SHTN1: variants seen among roughly 807,000 people sequenced by gnomAD.
SHTN1 encodes the protein shootin-1.
In SHTN1, 42 loss-of-function variants were observed where a neutral mutation model predicts 83.1. The ratio of observed to expected loss-of-function variants is 0.51; its 90% CI spans 0.39 to 0.65. SHTN1 has a LOEUF of 0.65. Ranked by LOEUF, SHTN1 falls within the 30% of genes least tolerant of loss-of-function variation. The pLI, the probability that SHTN1 is intolerant of heterozygous loss-of-function variation, is 0.00. For synonymous variants in SHTN1, 224 were observed against 247.7 expected (o/e 0.90, Z 0.90); for missense variants, 622 against 737.8 (o/e 0.84, Z 1.82).
At chr10:117,039,754 G>C (rs1340854277) in intron 2 of SHTN1, among the ~76,000 whole-genome samples, 1 of 151,700 alleles carries the variant, frequency 6.6e-6, no homozygotes, top group African/African-American at 2.4e-5. Context: ...TCGGGAGGCT[G>C]AGGTGGGAGA....
At chr10:117,038,837 C>T (rs1389978004) in intron 2 of SHTN1, among the ~76,000 whole-genome samples, 1 of 152,186 alleles carries the variant, frequency 6.6e-6, no homozygotes, top group East Asian at 1.9e-4. Context: ...AGAACACTGA[C>T]GATACCAAAT....
chr10:116,881,512 TAGGTTTCAA>T lies in SHTN1; in HGVS notation c.*4823_*4831del. The T allele has an allele frequency of 6.5e-7, 1 of 1,534,898 alleles. No individual in the cohort carries two copies. Among genetic ancestry groups the T allele is most frequent in the Admixed American group, 2.1e-5 (1 of 47,900 alleles). On this transcript the variant is annotated 3_prime_UTR_variant, in exon 17 of 17. Coordinates refer to ENST00000355371, the MANE Select transcript of SHTN1 (RefSeq NM_001127211.3). ...CAGTAAACTTTATTGTTACTTTAAATAGGTTTCAAAGAAGAACACACTTTTTTTTACTTT... is the reference window on the plus strand; with the variant it reads ...CAGTAAACTTTATTGTTACTTTAAATAGAAGAACACACTTTTTTTTACTTT...
intron 1 of SHTN1, among the ~76,000 whole-genome samples, chr10:117,003,972 G>T (rs953958409): frequency 1.3e-5 from 2 of 151,980 alleles, no homozygotes; most frequent in African/African-American, 4.8e-5. Flanking sequence ...TTGGCTCACC[G>T]CAACCTCCGC....
In SHTN1 at chr10:116,901,571, C is replaced by T. The variant is rs544574978; in HGVS notation, c.1673+194G>A. On this transcript the variant is annotated intron_variant, in intron 16 of 16. Transcript: ENST00000355371. ...GAAGTAATTCTCTTTGTACATGGTA[C>T]TTGCTTTGGATCTGAATGAGATCTC... The T allele has an allele frequency of 1.0e-5, 10 of 985,316 alleles. No homozygotes were observed. The South Asian group carries it at 4.7e-4, about 46-fold the overall frequency. The allele number at this position is 985,316 out of a possible 1,614,324, so 61.0% of individuals were successfully genotyped here. A position where few individuals can be genotyped will look rare whatever the true frequency, so the allele number is the denominator to read the frequency against.
intron 3 of SHTN1, chr10:116,960,481 G>A (rs1850147130): frequency 2.8e-6 from 1 of 359,468 alleles, no homozygotes. Context: ...CATTTTAAGA[G>A]CGCTATTTAG....
intron 11 of SHTN1, among the ~76,000 whole-genome samples, chr10:116,923,489 A>G (rs1477850203): frequency 6.6e-6 from 1 of 152,144 alleles, no homozygotes; most frequent in East Asian, 1.9e-4. Flanking sequence ...TGCCCTTAGG[A>G]AAAGGGGCAA....
At chr10:116,934,033 G>C (rs1849065250) in intron 9 of SHTN1, among the ~76,000 whole-genome samples, 1 of 151,970 alleles carries the variant, frequency 6.6e-6, no homozygotes, top group Admixed American at 6.6e-5. Flanking sequence ...TTGTGAATTT[G>C]TTTAAGTTCC....
rs182980649 is a variant in SHTN1, at chr10:117,015,620, C to A, written c.-123+32825G>T. Among the ~76,000 whole-genome samples the A allele has an allele frequency of 2.0e-5, 3 of 152,298 alleles. No homozygotes were observed. In the East Asian group the frequency reaches 5.8e-4, roughly 29 times the overall value. On this transcript the variant is annotated intron_variant, in intron 2 of 17. Transcript: ENST00000392901. ...TGCTGGGATTACAGGCGTGAGCCACCGTGCCCGGCCTGTAGTAATGTTTGA... is the reference window on the plus strand; with the variant it reads ...TGCTGGGATTACAGGCGTGAGCCACAGTGCCCGGCCTGTAGTAATGTTTGA...
intron 11 of SHTN1, among the ~76,000 whole-genome samples, chr10:116,927,431 A>G (rs937604255): frequency 2.0e-5 from 3 of 152,170 alleles, no homozygotes; most frequent in African/African-American, 7.2e-5. Context: ...CCTCACAATC[A>G]TGGCGGAAGG....
intron 1 of SHTN1, among the ~76,000 whole-genome samples, chr10:117,065,581 G>A (rs1644713368): frequency 6.6e-6 from 1 of 150,928 alleles, no homozygotes; most frequent in Admixed American, 6.6e-5. Flanking sequence ...AGCCGGGCAT[G>A]GTGGCAGCTG....
intron 3 of SHTN1, 97 bp downstream of exon 3, chr10:116,968,555 G>T: frequency 4.9e-6 from 4 of 811,930 alleles, no homozygotes; most frequent in South Asian, 3.6e-5. Context: ...TTGATTGTAT[G>T]ACCAGGACAT....
intron 16 of SHTN1, among the ~76,000 whole-genome samples, chr10:116,893,398 A>T (rs1847401697): frequency 6.6e-6 from 1 of 152,182 alleles, no homozygotes; most frequent in African/African-American, 2.4e-5. Flanking sequence ...TACACAATTC[A>T]GCAGTACTAA....
intron 16 of SHTN1, chr10:116,900,528 T>G (rs987161962): frequency 4.6e-5 from 71 of 1,531,174 alleles, no homozygotes; most frequent in Non-Finnish European, 1.9e-5. Context: ...CAGTATTTTC[T>G]GATTCAGATT....
intron 9 of SHTN1, among the ~76,000 whole-genome samples, chr10:116,932,051 A>G (rs1489021907): frequency 6.6e-6 from 1 of 152,234 alleles, no homozygotes; most frequent in Non-Finnish European, 1.5e-5. Flanking sequence ...CATGCATTCA[A>G]TACAAACCAT....
chr10:116,983,679 GATAGATAAATACATACATACATAC>G (rs1282047197), intron 1 of SHTN1, among the ~76,000 whole-genome samples: 2 of 18,020 alleles, frequency 1.1e-4, no homozygotes, highest in African/African-American at 1.5e-4. Context: ...TAGATAGATA[GATAGATAAATACATACATACATAC>G]ATACATACAT....
intron 1 of SHTN1, among the ~76,000 whole-genome samples, chr10:117,003,163 A>G (rs925778569): frequency 6.6e-6 from 1 of 152,074 alleles, no homozygotes; most frequent in African/African-American, 2.4e-5. Context: ...ATCCACTGAC[A>G]GATATTACCT....
intron 1 of SHTN1, among the ~76,000 whole-genome samples, chr10:117,105,844 C>G (rs1461042488): frequency 1.3e-5 from 2 of 152,050 alleles, no homozygotes; most frequent in African/African-American, 4.8e-5. Flanking sequence ...ATAGTGAAAC[C>G]CTGTCTCTAC....
In SHTN1 at chr10:117,018,540, C is replaced by G. The variant is rs1419185566; in HGVS notation, c.-123+29905G>C. ...AAAAAAAAAGGAAAATATTTTTCTCCCCTTAAGATTGGATGTCTGCTCTCA... is the reference window on the plus strand; with the variant it reads ...AAAAAAAAAGGAAAATATTTTTCTCGCCTTAAGATTGGATGTCTGCTCTCA... On this transcript the variant is annotated intron_variant, in intron 2 of 17. Coordinates refer to the SHTN1 transcript ENST00000392901. Among the ~76,000 whole-genome samples, 10 of 147,670 alleles carry G rather than the reference C, an allele frequency of 6.8e-5. No individual in the cohort carries two copies. The Admixed American group carries it at 6.8e-4, about 10-fold the overall frequency.
chr10:116,941,615 C>CTGCA (rs1355794335), intron 8 of SHTN1, among the ~76,000 whole-genome samples: 1 of 152,186 alleles, frequency 6.6e-6, no homozygotes, highest in Non-Finnish European at 1.5e-5. Flanking sequence ...AAGCTCTGAA[C>CTGCA]TGCAAAATGA....
Sources: gnomAD v4.1 joint callset for allele counts (sites outside exome capture counted in the v4.1 genomes callset) on GRCh38, gnomAD v4.1.1 for gene constraint, MANE v1.5 for transcripts, NCBI Gene and HGNC (gene_info 2026-07-23, HGNC 2026-07-21) for gene names.